The following MBNL1 variants were observed in gnomAD, a reference collection of about 807,000 sequenced individuals.
MBNL1 encodes muscleblind like splicing regulator 1, also known as muscleblind-like protein 1.
A neutral mutation model predicts 42.2 loss-of-function variants in MBNL1; 8 were observed. That is an observed-to-expected ratio of 0.19 (90% CI 0.11 to 0.34). The LOEUF (loss-of-function observed/expected upper bound fraction) is 0.34. MBNL1 is among the 10% of genes least tolerant of loss of function. MBNL1 has a pLI of 1.00. For missense variants in MBNL1, 309 were observed against 495.3 expected (o/e 0.62, Z 3.57); for synonymous variants, 169 against 173.9 (o/e 0.97, Z 0.22).
intron 2 of MBNL1, among the ~76,000 whole-genome samples, chr3:152,364,651 A>G (rs1690942360): frequency 6.6e-6 from 1 of 152,016 alleles, no homozygotes; most frequent in African/African-American, 2.4e-5. Flanking sequence ...AAATCTAACT[A>G]TGTTTTATTT....
chr3:152,447,859 G>T, intron 6 of MBNL1, 86 bp downstream of exon 6: 1 of 1,266,686 alleles, frequency 7.9e-7, no homozygotes. Flanking sequence ...CCCCAAGTTT[G>T]TTTGTAATTA....
At chr3:152,406,400 C>T (rs1263764604) in intron 2 of MBNL1, among the ~76,000 whole-genome samples, 1 of 152,170 alleles carries the variant, frequency 6.6e-6, no homozygotes, top group Non-Finnish European at 1.5e-5. Context: ...GCTGAAATAA[C>T]TGCTACTGCA....
chr3:152,250,366 A>G (rs1164004750), intron 2 of MBNL1, among the ~76,000 whole-genome samples: 1 of 151,246 alleles, frequency 6.6e-6, no homozygotes, highest in African/African-American at 2.4e-5. Flanking sequence ...TAAGTATTTT[A>G]TTCTCTTTGA....
intron 2 of MBNL1, chr3:152,300,923 G>A: frequency 1.0e-6 from 1 of 984,574 alleles, no homozygotes; most frequent in Non-Finnish European, 1.2e-6. Flanking sequence ...TAGAAGTAAG[G>A]TGCTGAACTG....
At chr3:152,339,340 T>A (rs1404905123) in intron 2 of MBNL1, among the ~76,000 whole-genome samples, 1 of 152,164 alleles carries the variant, frequency 6.6e-6, no homozygotes, top group Non-Finnish European at 1.5e-5. Flanking sequence ...TGGAGGATAC[T>A]TGTGGAGAGG....
At chr3:152,262,117 G>C (rs1416124896) in intron 2 of MBNL1, among the ~76,000 whole-genome samples, 1 of 152,162 alleles carries the variant, frequency 6.6e-6, no homozygotes, top group Admixed American at 6.6e-5. Flanking sequence ...GCCAAGCACA[G>C]CCCTTGGCAC....
chr3:152,462,131 C>G (rs1747245768), intron 9 of MBNL1, among the ~76,000 whole-genome samples: 1 of 151,980 alleles, frequency 6.6e-6, no homozygotes, highest in Non-Finnish European at 1.5e-5. Context: ...GTATTTTATA[C>G]TTTTAGTTTA....
upstream of MBNL1, chr3:152,266,498 A>G (rs2037248137): frequency 6.6e-6 from 1 of 152,222 alleles, no homozygotes; most frequent in Non-Finnish European, 1.5e-5. Context: ...ATGAAAAAAG[A>G]ACACTACAGT....
At chr3:152,346,723 A>G (rs963868980) in intron 2 of MBNL1, among the ~76,000 whole-genome samples, 1 of 152,256 alleles carries the variant, frequency 6.6e-6, no homozygotes, top group Non-Finnish European at 1.5e-5. Context: ...AGAAAAATAC[A>G]GCATTCTCAA....
At chr3:152,273,889 A>G (rs1343560173) in intron 1 of MBNL1, among the ~76,000 whole-genome samples, 3 of 152,202 alleles carry the variant, frequency 2.0e-5, no homozygotes, top group African/African-American at 4.8e-5. Context: ...GTGAACATAC[A>G]ATTTGTATGT....
intron 2 of MBNL1, among the ~76,000 whole-genome samples, chr3:152,372,693 G>A (rs147004377): frequency 4.1e-4 from 62 of 152,234 alleles, no homozygotes; most frequent in African/African-American, 1.4e-3. Flanking sequence ...AGGGGCACCC[G>A]CCAGATGCTA....
intron 5 of MBNL1, 69 bp from the exon 6 acceptor site, chr3:152,447,551 C>T (rs963381778): frequency 7.1e-6 from 9 of 1,270,098 alleles, no homozygotes; most frequent in South Asian, 4.5e-5. Context: ...TTTTAGCCTT[C>T]GACTGATTTT....
At chr3:152,390,796 G>A (rs1247623822) in intron 2 of MBNL1, among the ~76,000 whole-genome samples, 1 of 152,206 alleles carries the variant, frequency 6.6e-6, no homozygotes, top group Non-Finnish European at 1.5e-5. Context: ...CAGGGAGAGG[G>A]TCACAGGGCA....
At chr3:152,454,261 A>G (rs1729297796) in intron 6 of MBNL1, among the ~76,000 whole-genome samples, 1 of 152,208 alleles carries the variant, frequency 6.6e-6, no homozygotes, top group African/African-American at 2.4e-5. Context: ...TTGTGATAAC[A>G]AACTAATCGC....
chr3:152,426,044 G>A (rs2098925312), intron 3 of MBNL1, among the ~76,000 whole-genome samples: 1 of 152,158 alleles, frequency 6.6e-6, no homozygotes, highest in African/African-American at 2.4e-5. Flanking sequence ...CCTGTCCTTT[G>A]CAGGGACATG....
intron 2 of MBNL1, among the ~76,000 whole-genome samples, chr3:152,363,207 A>G: frequency 6.6e-6 from 1 of 152,120 alleles, no homozygotes; most frequent in East Asian, 1.9e-4. Context: ...CATGTTTAAT[A>G]TATATTTTTT....
chr3:152,338,003 T>C lies in MBNL1; in HGVS notation c.174+37636T>C, dbSNP rs2152773384. On this transcript the variant is annotated intron_variant, in intron 2 of 9. Transcript: ENST00000324210. ...AGCACCCTGGGATTTTTTTTTTGTA[T>C]TTGTAAATTAAATATTGCGATGACA... The C allele has an allele frequency of 7.3e-6, 6 of 820,982 alleles. No homozygotes were observed. In the South Asian group the frequency reaches 3.4e-4, roughly 46 times the overall value. 50.9% of individuals were successfully genotyped at this position (820,982 alleles called of 1,614,324 possible). A position where few individuals can be genotyped will look rare whatever the true frequency, so the allele number is the denominator to read the frequency against.
chr3:152,450,633 C>T (rs1216289805), intron 6 of MBNL1, among the ~76,000 whole-genome samples: 1 of 152,208 alleles, frequency 6.6e-6, no homozygotes, highest in Non-Finnish European at 1.5e-5. Flanking sequence ...GCAGGTTGTA[C>T]TTGCTGTCCA....
intron 2 of MBNL1, chr3:152,340,228 A>C (rs930683627): frequency 1.1e-5 from 3 of 280,794 alleles, no homozygotes; most frequent in Non-Finnish European, 2.0e-5. Context: ...AGACTGAGGC[A>C]GAAGTATTGC....
Sources: allele counts gnomAD v4.1 joint callset (sites outside exome capture counted in the v4.1 genomes callset), GRCh38; gene constraint gnomAD v4.1.1; transcripts MANE v1.5; gene names NCBI Gene and HGNC (gene_info 2026-07-23, HGNC 2026-07-21).